TMEM117: variants seen among roughly 807,000 people sequenced by gnomAD.
TMEM117 encodes the protein transmembrane protein 117.
In TMEM117, 27 loss-of-function variants were observed where a neutral mutation model predicts 52.4. The ratio of observed to expected loss-of-function variants is 0.51; its 90% confidence interval spans 0.38 to 0.71. TMEM117 has a LOEUF of 0.71. Ranked by LOEUF, TMEM117 falls within the 30% of genes least tolerant of loss-of-function variation. The pLI, the probability that TMEM117 is intolerant of heterozygous loss-of-function variation, is 0.00. For synonymous variants in TMEM117, 215 were observed against 206.3 expected (o/e 1.04, Z -0.36); for missense variants, 556 against 630.5 (o/e 0.88, Z 1.26).
chr12:44,299,530 A>G (rs373558677), intron 5 of TMEM117, 50 bp from the exon 6 acceptor site: 16 of 1,598,052 alleles, frequency 1.0e-5, no homozygotes, highest in African/African-American at 1.3e-5. Flanking sequence ...ACTCTCTAGT[A>G]TCTATATTTT....
chr12:43,877,692 TAGC>T (rs1943823787), intron 2 of TMEM117, among the ~76,000 whole-genome samples: 1 of 151,842 alleles, frequency 6.6e-6, no homozygotes, highest in Admixed American at 6.6e-5. Context: ...TGAGGGCTTG[TAGC>T]AGCTAATAGC....
chr12:43,838,536 A>ATTTTTT lies in TMEM117; in HGVS notation c.-29+2340_-29+2341insTTTTTT, dbSNP rs1565712907. ...TACTCTCTCTGGAATGGAGTCTTCC[A>ATTTTTT]GTTTTTTTTTTTTTTTTTTCCCTCA... On this transcript the variant is annotated intron_variant, in intron 1 of 7. Transcript: ENST00000266534. Among the ~76,000 whole-genome samples the ATTTTTT allele has an allele frequency of 3.0e-5, 4 of 134,298 alleles. 2 individuals are homozygous for ATTTTTT. Among genetic ancestry groups the ATTTTTT allele is most frequent in the African/African-American group, 6.0e-5 (2 of 33,596 alleles). The allele number at this position is 134,298 out of a possible 152,430, so 88.1% of individuals were successfully genotyped here. A position where few individuals can be genotyped will look rare whatever the true frequency, so the allele number is the denominator to read the frequency against.
chr12:44,076,052 G>A (rs1387745945), intron 3 of TMEM117, among the ~76,000 whole-genome samples: 2 of 152,110 alleles, frequency 1.3e-5, no homozygotes, highest in East Asian at 3.9e-4. Flanking sequence ...AATCACTGCC[G>A]TTACCACCAC....
chr12:44,078,225 G>C (rs1433260177), intron 3 of TMEM117, among the ~76,000 whole-genome samples: 3 of 152,048 alleles, frequency 2.0e-5, no homozygotes, highest in Non-Finnish European at 4.4e-5. Flanking sequence ...TATTTTGAAG[G>C]GTCACACCTT....
intron 6 of TMEM117, among the ~76,000 whole-genome samples, chr12:44,345,384 T>A (rs956392247): frequency 6.6e-6 from 1 of 152,150 alleles, no homozygotes; most frequent in East Asian, 1.9e-4. Flanking sequence ...TGACACAGAT[T>A]CAATTTCTAG....
intron 3 of TMEM117, among the ~76,000 whole-genome samples, chr12:44,052,766 G>T (rs1282698809): frequency 6.6e-6 from 1 of 152,150 alleles, no homozygotes; most frequent in African/African-American, 2.4e-5. Context: ...TTCCCCCAGT[G>T]CAGGGACCAC....
chr12:44,049,974 C>CAGTT (rs1367620069), intron 3 of TMEM117, among the ~76,000 whole-genome samples: 1 of 152,108 alleles, frequency 6.6e-6, no homozygotes, highest in African/African-American at 2.4e-5. Flanking sequence ...AAGCTAGCTG[C>CAGTT]AGTTAGTGTT....
intron 3 of TMEM117, among the ~76,000 whole-genome samples, chr12:44,121,100 A>T (rs111689281): frequency 0.02 from 2,977 of 152,200 alleles, 80 homozygotes; most frequent in East Asian, 0.057. Context: ...CTGTTTTTAA[A>T]ACCATCAGAT....
chr12:44,087,861 A>G (rs1156918329), intron 3 of TMEM117, among the ~76,000 whole-genome samples: 2 of 152,220 alleles, frequency 1.3e-5, no homozygotes, highest in South Asian at 4.1e-4. Context: ...AAAGGAACAT[A>G]TAATCTGTGC....
chr12:44,258,473 A>C (rs1950284963), intron 5 of TMEM117, among the ~76,000 whole-genome samples: 1 of 152,080 alleles, frequency 6.6e-6, no homozygotes, highest in South Asian at 2.1e-4. Context: ...TATTCTAGAG[A>C]AATATTTTTA....
intron 6 of TMEM117, among the ~76,000 whole-genome samples, chr12:44,372,604 A>C (rs528472011): frequency 2.0e-5 from 3 of 152,056 alleles, no homozygotes; most frequent in Non-Finnish European, 4.4e-5. Context: ...ATGAAAAAAA[A>C]AAAAACAAAA....
At chr12:43,942,625 T>G (rs944791693) in intron 2 of TMEM117, among the ~76,000 whole-genome samples, 2 of 152,178 alleles carry the variant, frequency 1.3e-5, no homozygotes, top group South Asian at 2.1e-4. Flanking sequence ...CCGCTCTTTT[T>G]TTTTTACTCT....
chr12:44,287,580 TTC>T (rs1191718386), intron 5 of TMEM117, among the ~76,000 whole-genome samples: 1 of 152,202 alleles, frequency 6.6e-6, no homozygotes, highest in East Asian at 1.9e-4. Context: ...AGCTTTACTT[TTC>T]AATGTTAAGT....
At chr12:43,868,169 CCTCT>C (rs931382522) in intron 2 of TMEM117, among the ~76,000 whole-genome samples, 1 of 151,368 alleles carries the variant, frequency 6.6e-6, no homozygotes, top group Non-Finnish European at 1.5e-5. Flanking sequence ...TGTCTCTCCC[CCTCT>C]CTCTGTCTCT....
intron 4 of TMEM117, among the ~76,000 whole-genome samples, chr12:44,202,514 A>C (rs28654762): frequency 0.011 from 1,743 of 152,276 alleles, 22 homozygotes; most frequent in South Asian, 0.052. Context: ...GTGGCGGATT[A>C]GCTTTTTGAT....
At chr12:44,212,196 C>T (rs1949655001) in intron 5 of TMEM117, among the ~76,000 whole-genome samples, 1 of 152,182 alleles carries the variant, frequency 6.6e-6, no homozygotes. Context: ...ACCATACATA[C>T]ATTTTAAATT....
At chr12:44,390,437 G>A (rs1395729558), downstream of TMEM117, among the ~76,000 whole-genome samples, 1 of 151,958 alleles carries the variant, frequency 6.6e-6, no homozygotes, top group Non-Finnish European at 1.5e-5. Flanking sequence ...ATAGAATGAC[G>A]AAAGAAGTTG....
chr12:44,116,082 T>A (rs1027341991), intron 3 of TMEM117, among the ~76,000 whole-genome samples: 3 of 152,232 alleles, frequency 2.0e-5, no homozygotes, highest in Non-Finnish European at 4.4e-5. Flanking sequence ...GAAAATATTC[T>A]TGCTGAAGTC....
intron 3 of TMEM117, among the ~76,000 whole-genome samples, chr12:43,947,706 A>G (rs1257478589): frequency 6.6e-6 from 1 of 152,182 alleles, no homozygotes; most frequent in African/African-American, 2.4e-5. Context: ...GGGGAGTCCA[A>G]TGTGTCTTTG....
Sources: gnomAD v4.1 joint callset for allele counts (sites outside exome capture counted in the v4.1 genomes callset) on GRCh38, gnomAD v4.1.1 for gene constraint, MANE v1.5 for transcripts, NCBI Gene and HGNC (gene_info 2026-07-23, HGNC 2026-07-21) for gene names.